TMTC1: variants seen among roughly 807,000 people sequenced by gnomAD.
The protein encoded by TMTC1 is protein O-mannosyl-transferase TMTC1.
In TMTC1, 73 loss-of-function variants were observed where a neutral mutation model predicts 104.8. The ratio of observed to expected loss-of-function variants is 0.70; its 90% CI spans 0.58 to 0.85. The LOEUF is 0.85. Ranked by LOEUF, TMTC1 falls within the 40% of genes least tolerant of loss-of-function variation. The pLI, the probability that TMTC1 is intolerant of heterozygous loss-of-function variation, is 0.00. For missense variants in TMTC1, 1,035 were observed against 1,096.1 expected, an observed-to-expected ratio of 0.94 and a Z score of 0.79; for synonymous variants, 434 against 428.7, an observed-to-expected ratio of 1.01 and a Z score of -0.15.
chr12:29,716,865 C>G (rs2136865483), intron 5 of TMTC1, among the ~76,000 whole-genome samples: 1 of 151,884 alleles, frequency 6.6e-6, no homozygotes, highest in Non-Finnish European at 1.5e-5. Context: ...AATACAAAAA[C>G]TTAGCCGGGT....
In TMTC1 at chr12:29,772,039, T is replaced by G. The variant is rs1943605802; in HGVS notation, c.303-3964A>C. On this transcript the variant is annotated intron_variant, in intron 1 of 17. Transcript: ENST00000539277. The stretch of plus-strand genomic sequence containing the variant: ...ACTAAAGGAATGCATTTATTCTAAG[T>G]AGCTCCCTAAGGGGAAACTACAATC... Among the ~76,000 whole-genome samples the G allele has an allele frequency of 2.0e-5, 3 of 152,214 alleles. No homozygotes were observed. In the South Asian group the frequency reaches 6.2e-4, roughly 32 times the overall value.
chr12:29,613,730 C>T (rs141525201), intron 6 of TMTC1, among the ~76,000 whole-genome samples: 31 of 152,266 alleles, frequency 2.0e-4, no homozygotes, highest in African/African-American at 7.0e-4. Flanking sequence ...CATTTTGTTC[C>T]TACGAAAATA....
At chr12:29,755,145 A>G (rs1163372666) in intron 4 of TMTC1, among the ~76,000 whole-genome samples, 2 of 152,152 alleles carry the variant, frequency 1.3e-5, no homozygotes, top group Non-Finnish European at 2.9e-5. Context: ...TGTGCCTTAA[A>G]TTTTTTAAAT....
intron 10 of TMTC1, among the ~76,000 whole-genome samples, chr12:29,551,963 G>C (rs914386328): frequency 4.6e-5 from 7 of 152,142 alleles, no homozygotes; most frequent in African/African-American, 1.7e-4. Context: ...AAAGGGGCCA[G>C]ATATATTTGG....
At chr12:29,766,916 TTAAA>T (rs1565823317) in intron 2 of TMTC1, among the ~76,000 whole-genome samples, 1 of 151,932 alleles carries the variant, frequency 6.6e-6, no homozygotes. Context: ...CATGGAATGA[TTAAA>T]TAAATATTTT....
intron 6 of TMTC1, among the ~76,000 whole-genome samples, chr12:29,612,936 A>C (rs1946882896): frequency 6.6e-6 from 1 of 152,246 alleles, no homozygotes; most frequent in Non-Finnish European, 1.5e-5. Context: ...GTGAAGGAGC[A>C]TCCACATTCT....
chr12:29,699,921 C>T (rs1941537567), intron 5 of TMTC1, among the ~76,000 whole-genome samples: 1 of 152,144 alleles, frequency 6.6e-6, no homozygotes, highest in Non-Finnish European at 1.5e-5. Context: ...GGATTACAGG[C>T]ATAAGCCACC....
At chr12:29,783,989 C>G (rs188294017), upstream of TMTC1, 1 of 189,386 alleles carries the variant, frequency 5.3e-6, no homozygotes, top group African/African-American at 2.4e-5. This position sits in a 1 kb window ranked among gnomAD's most constrained non-coding sequence, Gnocchi z 4.7. Flanking sequence ...CTCCGCCCCA[C>G]TGCGCATGCC....
intron 5 of TMTC1, among the ~76,000 whole-genome samples, chr12:29,648,580 T>A (rs1300778196): frequency 6.6e-6 from 1 of 152,114 alleles, no homozygotes; most frequent in Non-Finnish European, 1.5e-5. Context: ...GTGCTGCATC[T>A]ACGGCACACA....
chr12:29,594,658 T>G (rs1356158212), intron 7 of TMTC1, among the ~76,000 whole-genome samples: 1 of 152,182 alleles, frequency 6.6e-6, no homozygotes, highest in Non-Finnish European at 1.5e-5. Context: ...ACAAAGGAGC[T>G]TGATGAACAA....
intron 7 of TMTC1, among the ~76,000 whole-genome samples, chr12:29,598,592 A>T (rs1946474257): frequency 6.6e-6 from 1 of 152,080 alleles, no homozygotes; most frequent in Non-Finnish European, 1.5e-5. Context: ...GAATTTTTTC[A>T]TTGAATTTTA....
chr12:29,650,622 C>T (rs893164701), intron 5 of TMTC1, among the ~76,000 whole-genome samples: 6 of 152,150 alleles, frequency 3.9e-5, no homozygotes, highest in African/African-American at 7.2e-5. Flanking sequence ...ATTCACATGA[C>T]GGTATAAATA....
chr12:29,782,598 T>A (rs1943859719), intron 1 of TMTC1, among the ~76,000 whole-genome samples: 1 of 152,208 alleles, frequency 6.6e-6, no homozygotes, highest in South Asian at 2.1e-4. Flanking sequence ...AGATAGCATT[T>A]CCCTTAAATG....
Position 29,534,888 on chromosome 12 carries a change from C to T in TMTC1, c.1785+1321G>A, listed in dbSNP as rs540538156. ...TAAGGCAGGACATGGTAGTAGAGAA[C>T]ATGATGGGCTGCGGAAGGTTCCTAT... On this transcript the variant is annotated intron_variant, in intron 11 of 17. Coordinates refer to ENST00000539277, the MANE Select transcript of TMTC1 (RefSeq NM_001193451.2). The T allele has an allele frequency of 2.0e-5, 3 of 152,082 alleles. No individual in the cohort carries two copies. The East Asian group carries it at 5.8e-4, about 29-fold the overall frequency. The allele number at this position is 152,082 out of a possible 1,614,324, so 9.4% of individuals were successfully genotyped here.
intron 5 of TMTC1, among the ~76,000 whole-genome samples, chr12:29,741,967 AC>A (rs1942838324): frequency 6.6e-6 from 1 of 152,208 alleles, no homozygotes; most frequent in South Asian, 2.1e-4. Context: ...GAAAGAGACC[AC>A]TTTTTAAAAT....
At chr12:29,673,527 T>C (rs981313550) in intron 5 of TMTC1, among the ~76,000 whole-genome samples, 2 of 152,082 alleles carry the variant, frequency 1.3e-5, no homozygotes, top group African/African-American at 2.4e-5. Flanking sequence ...TTTTAAAACA[T>C]AACATAAAAA....
intron 12 of TMTC1, chr12:29,519,276 T>C (rs1374088945): frequency 6.6e-6 from 1 of 152,186 alleles, no homozygotes; most frequent in Non-Finnish European, 1.5e-5. Context: ...TGATACTGTT[T>C]AGCTGTTTAT....
intron 5 of TMTC1, among the ~76,000 whole-genome samples, chr12:29,689,282 T>C (rs1190194547): frequency 2.6e-5 from 4 of 151,786 alleles, no homozygotes; most frequent in Non-Finnish European, 5.9e-5. Flanking sequence ...TTATTTTTTG[T>C]CTTTGTTGTT....
intron 5 of TMTC1, among the ~76,000 whole-genome samples, chr12:29,726,753 C>A (rs1377720867): frequency 1.3e-5 from 2 of 152,140 alleles, no homozygotes; most frequent in Admixed American, 1.3e-4. Flanking sequence ...CCACTGAAAA[C>A]AGACCAGAAA....
Sources: gnomAD v4.1 joint callset for allele counts (sites outside exome capture counted in the v4.1 genomes callset) on GRCh38, gnomAD v4.1.1 for gene constraint, Gnocchi (gnomAD v3.1) non-coding constraint, MANE v1.5 for transcripts, NCBI Gene and HGNC (gene_info 2026-07-23, HGNC 2026-07-21) for gene names.